The following KDM5A variants were observed in gnomAD, a reference collection of about 807,000 sequenced individuals.
The protein encoded by KDM5A is lysine-specific demethylase 5A.
Under a neutral mutation model 193.5 loss-of-function variants are expected in KDM5A, and 42 were observed. The ratio of observed to expected loss-of-function variants is 0.22; its 90% CI spans 0.17 to 0.28. KDM5A has a LOEUF of 0.28. Ranked by LOEUF, KDM5A falls within the 10% of genes least tolerant of loss-of-function variation. The pLI, the probability that KDM5A is intolerant of heterozygous loss-of-function variation, is 1.00. For synonymous variants in KDM5A, 796 were observed against 718.1 expected (o/e 1.11, Z -1.73); for missense variants, 1,692 against 2,055.1 (o/e 0.82, Z 3.42).
intron 24 of KDM5A, among the ~76,000 whole-genome samples, chr12:298,191 T>A (rs1943398011): frequency 6.6e-6 from 1 of 152,148 alleles, no homozygotes; most frequent in South Asian, 2.1e-4. Context: ...GCATTCGAGC[T>A]CTGATAAGCA....
rs1271514227 is a variant in KDM5A at position 292,852 on chromosome 12, G to A, written c.4773C>T (p.Ile1591=). 1 of 1,614,210 alleles carries A rather than the reference G, an allele frequency of 6.2e-7. No individual in the cohort carries two copies. Among genetic ancestry groups the A allele is most frequent in the Non-Finnish European group, 8.5e-7 (1 of 1,180,032 alleles). The change falls in exon 27 of 28, where the codon ATC becomes ATT. Residue 1591 remains isoleucine, a synonymous_variant. Coordinates refer to ENST00000399788, the MANE Select transcript of KDM5A (RefSeq NM_001042603.3). Reference sequence around the variant, plus strand: ...CTCCTGACCAGTCATACTTTGAGGGGATGTCCAGCACCTTTTTCTCTCTTT... The same window carrying A: ...CTCCTGACCAGTCATACTTTGAGGGAATGTCCAGCACCTTTTTCTCTCTTT... The part of the protein sequence containing the change: ...EKKREKKVLD[I]PSKYDWSGAE...
At position 280,594 on chromosome 12, in the gene KDM5A, G is replaced by A. The variant is rs555686086; in HGVS notation, c.*4862C>T. 9.4e-5 allele frequency: 22 copies of A among 233,104 alleles called. No homozygotes were observed. The East Asian group carries it at 1.3e-3, about 14-fold the overall frequency. 14.4% of individuals were successfully genotyped at this position (233,104 alleles called of 1,614,324 possible). On this transcript the variant is annotated 3_prime_UTR_variant, in exon 28 of 28. Coordinates refer to ENST00000399788, the MANE Select transcript of KDM5A (RefSeq NM_001042603.3). ...TCCGTCCTTCATATCTGCATAAGCT[G>A]GGATCCTTGGCAATGGGGAAAAGGT...
In KDM5A at chr12:357,827, C is replaced by CAAAAAAAAAAAAAAAAAAAA. The variant is rs61577928; in HGVS notation, c.673-1310_673-1291dup. Among the ~76,000 whole-genome samples the CAAAAAAAAAAAAAAAAAAAA allele has an allele frequency of 1.0e-4, 3 of 29,866 alleles. 1 individual carries two copies. Among genetic ancestry groups the CAAAAAAAAAAAAAAAAAAAA allele is most frequent in the African/African-American group, 6.0e-4 (3 of 4,978 alleles). The allele number at this position is 29,866 out of a possible 152,430, so 19.6% of individuals were successfully genotyped here. On this transcript the variant is annotated intron_variant, in intron 5 of 27. Coordinates refer to ENST00000399788, the MANE Select transcript of KDM5A (RefSeq NM_001042603.3). Reference sequence around the variant, plus strand: ...TGGGCGACAGAGCAAGACTCAGTCTCAAAAAAAAAAAAAAAAAAAAAAAAA... The same window carrying CAAAAAAAAAAAAAAAAAAAA: ...TGGGCGACAGAGCAAGACTCAGTCTCAAAAAAAAAAAAAAAAAAAAAAAAAAAAAAAAAAAAAAAAAAAAA...
At chr12:321,978 G>A (rs1007842718) in intron 17 of KDM5A, among the ~76,000 whole-genome samples, 4 of 152,292 alleles carry the variant, frequency 2.6e-5, no homozygotes, top group Admixed American at 1.3e-4. Flanking sequence ...GTAGATTAGT[G>A]TATCAGAAGG....
At chr12:329,758 T>C (rs1203909141) in intron 13 of KDM5A, among the ~76,000 whole-genome samples, 3 of 152,176 alleles carry the variant, frequency 2.0e-5, no homozygotes, top group Admixed American at 6.5e-5. Flanking sequence ...AAAATTTCCA[T>C]AATTATCAAG....
At chr12:348,765 G>C (rs1291915071) in intron 10 of KDM5A, among the ~76,000 whole-genome samples, 1 of 151,842 alleles carries the variant, frequency 6.6e-6, no homozygotes, top group East Asian at 1.9e-4. Context: ...CTGTCAGGGG[G>C]TGGGGGGCTG....
At chr12:326,864 CAAAAAAA>C (rs61571425) in intron 14 of KDM5A, among the ~76,000 whole-genome samples, 17 of 86,006 alleles carry the variant, frequency 2.0e-4, no homozygotes, top group African/African-American at 5.3e-4. Flanking sequence ...GACTCTGTCT[CAAAAAAA>C]AAAAAAAAAA....
Position 295,666 on chromosome 12 carries a change from G to A in KDM5A, c.4362C>T (p.Leu1454=). 1 of 1,614,074 alleles carries A rather than the reference G, an allele frequency of 6.2e-7. No individual in the cohort carries two copies. The highest frequency in any genetic ancestry group is 1.1e-5 in the South Asian group (1 of 91,076). Residue 1454 remains leucine, a synonymous_variant, in exon 26 of 28, where the codon CTC becomes CTT. Transcript: ENST00000399788. ...QLEELMMVGD[L]LEVSLDETQH... is the part of the protein sequence containing the mutation. ...GAGTCTCGTCCAGAGATACTTCCAGGAGATCTCCAACCATCATAAGTTCTT... is the reference window on the plus strand; with the variant it reads ...GAGTCTCGTCCAGAGATACTTCCAGAAGATCTCCAACCATCATAAGTTCTT...
chr12:345,270 A>C lies in KDM5A; in HGVS notation c.1308+5351T>G, dbSNP rs543835585. 2.9e-3 allele frequency among the ~76,000 whole-genome samples: 444 copies of C among 152,302 alleles called. 1 individual carries two copies. Among genetic ancestry groups the C allele is most frequent in the African/African-American group, 0.01 (426 of 41,572 alleles). On this transcript the variant is annotated intron_variant, in intron 10 of 27. Coordinates refer to ENST00000399788, the MANE Select transcript of KDM5A (RefSeq NM_001042603.3). ...ACAGGAGCACCCAGATTCCTAAAGCAAGTCCTTAGAGACCCACAAAGAGAC... is the reference window on the plus strand; with the variant it reads ...ACAGGAGCACCCAGATTCCTAAAGCCAGTCCTTAGAGACCCACAAAGAGAC...
Position 321,061 on chromosome 12 carries a change from T to TTCTTCC in KDM5A, c.2469_2474dup (p.Glu824_Glu825dup). ...AAAGTTGTTGGACAAAGGCCTTCAA[T>TTCTTCC]TCTTCCACTGTCAGTTTGGTCCGAG... On this transcript the variant is annotated inframe_insertion, in exon 18 of 28. Coordinates refer to ENST00000399788, the MANE Select transcript of KDM5A (RefSeq NM_001042603.3). 1 of 1,614,188 alleles carries TTCTTCC rather than the reference T, an allele frequency of 6.2e-7. No individual in the cohort carries two copies. The highest frequency in any genetic ancestry group is 8.5e-7 in the Non-Finnish European group (1 of 1,179,992).
chr12:360,176 G>A (rs1340505116), intron 5 of KDM5A, among the ~76,000 whole-genome samples: 3 of 151,458 alleles, frequency 2.0e-5, no homozygotes, highest in African/African-American at 7.3e-5. Flanking sequence ...CAGGAGGCTG[G>A]GGAAGGAGAA....
intron 27 of KDM5A, among the ~76,000 whole-genome samples, chr12:287,705 G>C (rs1280865129): frequency 1.3e-5 from 2 of 152,028 alleles, no homozygotes; most frequent in Non-Finnish European, 2.9e-5. Flanking sequence ...TTTTATAATG[G>C]TACCTGTGAA....
chr12:328,980 T>C lies in KDM5A; in HGVS notation c.1823A>G (p.His608Arg). Residue 608 changes from histidine to arginine, a missense_variant, in exon 14 of 28, where the codon CAC becomes CGC. By Grantham distance (29) the His-to-Arg change is conservative. Around this residue, in one of 11 missense-constraint regions of KDM5A, gnomAD observed 3 missense variants for 23.5 expected, o/e 0.13. Coordinates refer to ENST00000399788, the MANE Select transcript of KDM5A (RefSeq NM_001042603.3). ...CVNHYRRLRR[H>R]CVFSHEELIF... ...TAGTTCCTCGTGTGAAAAGACACAG[T>C]GGCGCCTTAGGCGTCGGTAATGATT... 2 of 1,614,246 alleles carry C rather than the reference T, an allele frequency of 1.2e-6. No individual in the cohort carries two copies. The highest frequency in any genetic ancestry group is 1.7e-6 in the Non-Finnish European group (2 of 1,180,042).
intron 3 of KDM5A, among the ~76,000 whole-genome samples, chr12:366,462 GAAAAT>G (rs958759802): frequency 1.3e-5 from 2 of 151,978 alleles, no homozygotes; most frequent in African/African-American, 4.8e-5. Flanking sequence ...AAATAGATAT[GAAAAT>G]AAATGTTATA....
At chr12:299,323 A>G (rs2137375376) in intron 24 of KDM5A, among the ~76,000 whole-genome samples, 1 of 152,370 alleles carries the variant, frequency 6.6e-6, no homozygotes, top group South Asian at 2.1e-4. Context: ...CCACAAAGGG[A>G]AGCCCATCAG....
At chr12:386,287 T>A (rs945348585) in intron 1 of KDM5A, among the ~76,000 whole-genome samples, 1 of 152,234 alleles carries the variant, frequency 6.6e-6, no homozygotes, top group Non-Finnish European at 1.5e-5. Flanking sequence ...AATTCTTTTG[T>A]TTCATATAAA....
chr12:371,026 T>C (rs9739782), intron 3 of KDM5A, among the ~76,000 whole-genome samples: 8,605 of 152,286 alleles, frequency 0.057, 782 homozygotes, highest in African/African-American at 0.19. Context: ...TGATGGACAT[T>C]TGGGTTGGTT....
chr12:386,060 C>T, intron 1 of KDM5A, 86 bp from the exon 2 acceptor site: 1 of 942,364 alleles, frequency 1.1e-6, no homozygotes, highest in South Asian at 1.3e-5. Context: ...GGTTTTGCCA[C>T]AAATCATGGT....
intron 25 of KDM5A, among the ~76,000 whole-genome samples, chr12:296,258 G>A (rs1943371387): frequency 6.6e-6 from 1 of 150,420 alleles, no homozygotes; most frequent in Admixed American, 6.6e-5. Context: ...GCAGGGGGAG[G>A]TTGCAGTGAG....
Sources: allele counts gnomAD v4.1 joint callset (sites outside exome capture counted in the v4.1 genomes callset), GRCh38; gene constraint gnomAD v4.1.1; regional missense constraint gnomAD v4.1.1; transcripts MANE v1.5; gene names NCBI Gene and HGNC (gene_info 2026-07-23, HGNC 2026-07-21).